The following NOMO3 variants were observed in gnomAD, a reference collection of about 807,000 sequenced individuals.
NOMO3 encodes the protein NODAL modulator 3.
NOMO3 carries 15 observed loss-of-function variants against 69.9 expected under a neutral mutation model. That is an observed-to-expected ratio of 0.21 (90% confidence interval 0.14 to 0.33). NOMO3 has a LOEUF of 0.33. Among genes scored for constraint, NOMO3 ranks in the 10% least tolerant of loss-of-function variants. The pLI, the probability that NOMO3 is intolerant of heterozygous loss-of-function variation, is 1.00. For synonymous variants in NOMO3, 89 were observed against 301.9 expected, an observed-to-expected ratio of 0.29 and a Z score of 7.31; for missense variants, 218 against 761.0, an observed-to-expected ratio of 0.29 and a Z score of 8.39.
At chr16:16,258,238 AAAG>A (rs1235057837) in intron 11 of NOMO3, among the ~76,000 whole-genome samples, 1 of 141,792 alleles carries the variant, frequency 7.1e-6, no homozygotes, top group East Asian at 2.3e-4. Context: ...GATTTTTAAA[AAAG>A]ACAAAAAAGA....
rs2049332734 is a variant in NOMO3 at position 16,237,102 on chromosome 16, A to C, written c.255+112A>C. ...CAAATGCTCATCTGTTTTGTAAATT[A>C]TTAGTGGAATATGATAATCCTAGCC... On this transcript the variant is annotated intron_variant, in intron 2 of 30. Transcript: ENST00000399336. The C allele has an allele frequency of 1.4e-6, 2 of 1,442,156 alleles. 1 individual carries two copies. The highest frequency in any genetic ancestry group is 3.3e-5 in the African/African-American group (2 of 60,806). The allele number at this position is 1,442,156 out of a possible 1,614,324, so 89.3% of individuals were successfully genotyped here.
intron 1 of NOMO3, 113 bp from the exon 2 acceptor site, chr16:16,236,788 C>A: frequency 2.1e-6 from 2 of 965,748 alleles, no homozygotes; most frequent in Non-Finnish European, 3.0e-6. Context: ...TAAAAGCTGG[C>A]ATATAATAGG....
intron 11 of NOMO3, among the ~76,000 whole-genome samples, chr16:16,258,780 G>A (rs1393676164): frequency 5.6e-5 from 8 of 142,326 alleles, no homozygotes; most frequent in Non-Finnish European, 3.0e-5. Flanking sequence ...CAGGAGAATC[G>A]CTTGAACCCG....
At chr16:16,270,293 C>T in intron 17 of NOMO3, 109 bp downstream of exon 17, 1 of 1,571,836 alleles carries the variant, frequency 6.4e-7, no homozygotes, top group Non-Finnish European at 8.6e-7. Context: ...CTGAAAGAGG[C>T]AAGGTTAGGC....
chr16:16,240,999 C>G (rs1437970565), intron 3 of NOMO3, among the ~76,000 whole-genome samples: 78 of 143,434 alleles, frequency 5.4e-4, no homozygotes, highest in African/African-American at 2.2e-3. Flanking sequence ...TTTGCCACCC[C>G]CCACCCTACC....
intron 6 of NOMO3, among the ~76,000 whole-genome samples, chr16:16,249,423 T>C (rs2049443915): frequency 7.1e-6 from 1 of 140,184 alleles, no homozygotes; most frequent in African/African-American, 3.0e-5. Context: ...CTACTAAAAA[T>C]AGAAAAAAAT....
At chr16:16,237,436 G>T (rs900654736) in intron 2 of NOMO3, among the ~76,000 whole-genome samples, 4 of 144,930 alleles carry the variant, frequency 2.8e-5, no homozygotes, top group Non-Finnish European at 5.9e-5. Flanking sequence ...TTGTGAAAAA[G>T]AAAGTCAAGG....
In NOMO3 at chr16:16,260,643, T is replaced by G. The variant is rs2049556402; in HGVS notation, c.1221-859T>G. On this transcript the variant is annotated intron_variant, in intron 11 of 30. Transcript: ENST00000399336. ...TCCAACATTCTTGATTATCTTTATG[T>G]CAGAAGTAACTAATTTTTATCTAAA... 1.4e-5 allele frequency among the ~76,000 whole-genome samples: 2 copies of G among 142,422 alleles called. 1 individual carries two copies. The highest frequency in any genetic ancestry group is 5.8e-5 in the African/African-American group (2 of 34,216). The allele number at this position is 142,422 out of a possible 152,430, so 93.4% of individuals were successfully genotyped here. A position where few individuals can be genotyped will look rare whatever the true frequency, so the allele number is the denominator to read the frequency against.
chr16:16,245,433 A>C (rs2049409119), intron 5 of NOMO3, among the ~76,000 whole-genome samples: 1 of 144,472 alleles, frequency 6.9e-6, no homozygotes, highest in Admixed American at 6.7e-5. Flanking sequence ...TTGCGCCTAT[A>C]ATGCCAGCAC....
chr16:16,268,145 T>G (rs1466258504), intron 16 of NOMO3, among the ~76,000 whole-genome samples: 2 of 142,208 alleles, frequency 1.4e-5, no homozygotes, highest in African/African-American at 5.9e-5. Context: ...ATTTATCAGT[T>G]GGTGGATATT....
At chr16:16,260,741 CACTTTAATACACCA>C (rs936263188) in intron 11 of NOMO3, 13 of 141,522 alleles carry the variant, frequency 9.2e-5, no homozygotes, top group Non-Finnish European at 1.6e-4. Flanking sequence ...TGTACTATTA[CACTTTAATACACCA>C]GCTGCTTCAG....
intron 16 of NOMO3, among the ~76,000 whole-genome samples, chr16:16,268,392 G>A (rs1390726963): frequency 6.9e-6 from 1 of 145,728 alleles, no homozygotes; most frequent in Non-Finnish European, 1.5e-5. Context: ...CACCTCCTTC[G>A]CCAACATTTG....
At chr16:16,245,593 TGCTTCTGTGGTTGCA>T (rs2049410379) in intron 5 of NOMO3, among the ~76,000 whole-genome samples, 1 of 134,438 alleles carries the variant, frequency 7.4e-6, no homozygotes, top group Non-Finnish European at 1.5e-5. Context: ...TGTGGTGGCA[TGCTTCTGTGGTTGCA>T]GCTACTCGGG....
rs1031992541 is a variant in NOMO3 at position 16,255,830 on chromosome 16, G to T, written c.1069+5G>T. ...CCCTGAATAACCAAATCAAAGGTGGGCTGACACAGCAGCCCCAGGCTGATG... is the reference window on the plus strand; with the variant it reads ...CCCTGAATAACCAAATCAAAGGTGGTCTGACACAGCAGCCCCAGGCTGATG... On this transcript the variant is annotated splice_donor_5th_base_variant and intron_variant, in intron 10 of 30. Coordinates refer to ENST00000399336, the MANE Select transcript of NOMO3 (RefSeq NM_001004067.4). The T allele has an allele frequency of 6.5e-7, 1 of 1,542,222 alleles. No individual in the cohort carries two copies. Among genetic ancestry groups the T allele is most frequent in the Admixed American group, 1.8e-5 (1 of 56,020 alleles).
chr16:16,234,166 G>T (rs1226611077), intron 1 of NOMO3, among the ~76,000 whole-genome samples: 1 of 151,792 alleles, frequency 6.6e-6, no homozygotes, highest in Admixed American at 6.6e-5. Flanking sequence ...CATGTTTCTG[G>T]GTGCCCATGC....
chr16:16,263,166 G>T lies in NOMO3; in HGVS notation c.1488G>T (p.Val496=). 1 of 1,591,714 alleles carries T rather than the reference G, an allele frequency of 6.3e-7. No individual in the cohort carries two copies. The highest frequency in any genetic ancestry group is 8.5e-7 in the Non-Finnish European group (1 of 1,176,164). The change falls in exon 13 of 31, where the codon GTG becomes GTT. Residue 496 remains valine, a synonymous_variant. Transcript: ENST00000399336. ...TGACCGACAGGCCTGTGATGGATGTGGCCTTTGTACAGTTCTTGGCATCAG... is the reference window on the plus strand; with the variant it reads ...TGACCGACAGGCCTGTGATGGATGTTGCCTTTGTACAGTTCTTGGCATCAG... ...LTVTDRPVMD[V]AFVQFLASVS...
Position 16,266,120 on chromosome 16 carries a change from C to A in NOMO3, c.1807-924C>A, listed in dbSNP as rs1255722060. ...GGGTTTCAGGAGCACCTCTGTAGATCCCTTCGTGAATTTTCTATAATGTTT... is the reference window on the plus strand; with the variant it reads ...GGGTTTCAGGAGCACCTCTGTAGATACCTTCGTGAATTTTCTATAATGTTT... On this transcript the variant is annotated intron_variant, in intron 15 of 30. Coordinates refer to ENST00000399336, the MANE Select transcript of NOMO3 (RefSeq NM_001004067.4). Among the ~76,000 whole-genome samples the A allele has an allele frequency of 5.7e-5, 8 of 140,236 alleles. 1 individual carries two copies. Among genetic ancestry groups the A allele is most frequent in the Non-Finnish European group, 1.2e-4 (8 of 67,264 alleles). The allele number at this position is 140,236 out of a possible 152,430, so 92.0% of individuals were successfully genotyped here.
Position 16,241,549 on chromosome 16 carries a change from G to A in NOMO3, c.302-1612G>A, listed in dbSNP as rs1247480833. 4.3e-3 allele frequency among the ~76,000 whole-genome samples: 479 copies of A among 110,292 alleles called. 38 individuals carry two copies. Among genetic ancestry groups the A allele is most frequent in the African/African-American group, 0.02 (459 of 23,446 alleles). The allele number at this position is 110,292 out of a possible 152,430, so 72.4% of individuals were successfully genotyped here. The stretch of plus-strand genomic sequence containing the variant: ...AGCCTCCTCAGTAGATGAGATTACA[G>A]GTGTGCACCACCACACCCAGCTAAT... On this transcript the variant is annotated intron_variant, in intron 3 of 30. Transcript: ENST00000399336.
intron 9 of NOMO3, 26 bp downstream of exon 9, chr16:16,252,548 G>A (rs1567562483): frequency 1.7e-6 from 1 of 603,362 alleles, no homozygotes. Context: ...CTTCTGGAGG[G>A]ACAGGTGTTT....
Sources: allele counts gnomAD v4.1 joint callset (sites outside exome capture counted in the v4.1 genomes callset), GRCh38; gene constraint gnomAD v4.1.1; transcripts MANE v1.5; gene names NCBI Gene and HGNC (gene_info 2026-07-23, HGNC 2026-07-21).